The following METTL24 variants were observed in gnomAD, a reference collection of about 807,000 sequenced individuals.
METTL24 encodes methyltransferase like 24.
Under a neutral mutation model 32.7 loss-of-function variants are expected in METTL24, and 29 were observed. The observed-to-expected ratio is 0.89, with a 90% CI of 0.66 to 1.21. The LOEUF (loss-of-function observed/expected upper bound fraction) is 1.21. METTL24 is among the 50% of genes most tolerant of loss of function. The pLI, the probability that METTL24 is intolerant of heterozygous loss-of-function variation, is 0.00. For synonymous variants in METTL24, 163 were observed against 179.5 expected (o/e 0.91, Z 0.73); for missense variants, 439 against 468.1 (o/e 0.94, Z 0.57).
chr6:110,250,672 T>TA (rs1156856242), intron 4 of METTL24, among the ~76,000 whole-genome samples: 5 of 148,920 alleles, frequency 3.4e-5, no homozygotes, highest in African/African-American at 4.9e-5. Flanking sequence ...GCAACCATCT[T>TA]AGACAATTAC....
chr6:110,302,683 GTA>G (rs141680624), intron 3 of METTL24, among the ~76,000 whole-genome samples: 3 of 123,932 alleles, frequency 2.4e-5, no homozygotes, highest in Non-Finnish European at 4.9e-5. Flanking sequence ...ATACACGTGT[GTA>G]TATATATACA....
Position 110,322,845 on chromosome 6 carries a change from G to A in METTL24, c.346C>T (p.Pro116Ser). ...KGPRWHIDLQ[P>S]WAGSAQSLDE... ...AGGGACTGAGCAGAGCCTGCCCAAG[G>A]CTGGAGATCTATATGCCACCGGGGA... is the stretch of plus-strand genomic sequence containing the variant. Residue 116 changes from proline (P) to serine (S), a missense_variant, in exon 2 of 5, where the codon CCT (proline) becomes TCT (serine). By Grantham distance (74) the Pro-to-Ser change is moderately conservative. Transcript: ENST00000338882. The A allele has an allele frequency of 1.2e-6, 2 of 1,613,868 alleles. No individual in the cohort carries two copies. Among genetic ancestry groups the A allele is most frequent in the Non-Finnish European group, 1.7e-6 (2 of 1,179,866 alleles).
chr6:110,327,597 A>T (rs768479674), intron 1 of METTL24, among the ~76,000 whole-genome samples: 2 of 152,218 alleles, frequency 1.3e-5, no homozygotes, highest in African/African-American at 4.8e-5. Flanking sequence ...CAATGTTCTT[A>T]TTGGAATCAG....
chr6:110,348,303 AACTGCTGACT>A (rs1772521175), intron 1 of METTL24, among the ~76,000 whole-genome samples: 1 of 152,248 alleles, frequency 6.6e-6, no homozygotes, highest in Admixed American at 6.5e-5. Context: ...GCAGAATTTA[AACTGCTGACT>A]GCAAGTATGA....
intron 4 of METTL24, among the ~76,000 whole-genome samples, chr6:110,266,397 CTG>C (rs144677769): frequency 0.028 from 4,221 of 152,230 alleles, 221 homozygotes; most frequent in African/African-American, 0.095. Context: ...GACCAATAAT[CTG>C]TGTCTTTTGA....
rs866031059 is a variant in METTL24, at chr6:110,259,687, C to G, written c.787-13427G>C. On this transcript the variant is annotated intron_variant, in intron 4 of 4. Transcript: ENST00000338882. ...TGCCTCCTCAAGTGGGTCCCTGAAC[C>G]CCAAGTAGCCTAACTGGGAGGCATC... 2.0e-5 allele frequency among the ~76,000 whole-genome samples: 3 copies of G among 152,312 alleles called. 1 individual carries two copies. Among genetic ancestry groups the G allele is most frequent in the Middle Eastern group, 6.8e-3 (2 of 294 alleles).
At chr6:110,276,154 T>C (rs988259197) in intron 4 of METTL24, among the ~76,000 whole-genome samples, 1 of 152,146 alleles carries the variant, frequency 6.6e-6, no homozygotes, top group African/African-American at 2.4e-5. Flanking sequence ...CATGATTTCC[T>C]AGGTGTGGTG....
At chr6:110,267,928 T>C (rs2114706291) in intron 4 of METTL24, among the ~76,000 whole-genome samples, 1 of 152,170 alleles carries the variant, frequency 6.6e-6, no homozygotes, top group Non-Finnish European at 1.5e-5. Context: ...GTGAACTCAG[T>C]AAGAACTCAC....
Position 110,245,938 on chromosome 6 carries a change from C to T in METTL24, c.*8G>A, listed in dbSNP as rs772052643. On this transcript the variant is annotated 3_prime_UTR_variant, in exon 5 of 5. Coordinates refer to ENST00000338882, the MANE Select transcript of METTL24 (RefSeq NM_001123364.3). ...TATTTTCTTGTGCTCTTGATGACAT[C>T]CTGCATCCTATTTCCATCTTGTATT... 3.7e-6 allele frequency: 6 copies of T among 1,600,296 alleles called. No individual in the cohort carries two copies. The African/African-American group carries it at 8.0e-5, about 21-fold the overall frequency.
intron 1 of METTL24, among the ~76,000 whole-genome samples, chr6:110,352,518 A>G (rs1772625511): frequency 6.6e-6 from 1 of 152,210 alleles, no homozygotes; most frequent in Non-Finnish European, 1.5e-5. Context: ...CTAGATTATA[A>G]GGCTCTTAAA....
chr6:110,326,260 T>G (rs896068945), intron 1 of METTL24, among the ~76,000 whole-genome samples: 3 of 152,136 alleles, frequency 2.0e-5, no homozygotes, highest in Non-Finnish European at 2.9e-5. Flanking sequence ...CTTGCTGGGG[T>G]TCCCCGCTCA....
At chr6:110,251,617 A>G (rs1316535008) in intron 4 of METTL24, among the ~76,000 whole-genome samples, 1 of 152,242 alleles carries the variant, frequency 6.6e-6, no homozygotes, top group Non-Finnish European at 1.5e-5. Flanking sequence ...AATGTATATC[A>G]TACAGTTCTG....
At chr6:110,276,306 C>G (rs1287770453) in intron 4 of METTL24, among the ~76,000 whole-genome samples, 1 of 152,042 alleles carries the variant, frequency 6.6e-6, no homozygotes, top group Admixed American at 6.6e-5. Flanking sequence ...CAAAAATTAG[C>G]CAGGTGTGAT....
At chr6:110,297,990 AAGG>A (rs1309196955) in intron 4 of METTL24, among the ~76,000 whole-genome samples, 2 of 152,078 alleles carry the variant, frequency 1.3e-5, no homozygotes, top group Admixed American at 6.6e-5. Context: ...AAGATGAAGA[AAGG>A]AGGCAGAGAA....
At chr6:110,264,860 A>G (rs1309655217) in intron 4 of METTL24, among the ~76,000 whole-genome samples, 1 of 152,096 alleles carries the variant, frequency 6.6e-6, no homozygotes, top group Non-Finnish European at 1.5e-5. Context: ...TTCTCAGCAA[A>G]CTATTGCAAG....
intron 1 of METTL24, chr6:110,357,523 C>CA (rs930803134): frequency 1.3e-5 from 2 of 152,402 alleles, no homozygotes; most frequent in Non-Finnish European, 2.9e-5. Flanking sequence ...GATACCCACC[C>CA]AACTCTGTCC....
intron 4 of METTL24, among the ~76,000 whole-genome samples, chr6:110,286,872 T>C (rs1335574742): frequency 6.6e-6 from 1 of 152,208 alleles, no homozygotes; most frequent in African/African-American, 2.4e-5. Context: ...AGCCGGATGC[T>C]TCATGCGCTT....
intron 4 of METTL24, among the ~76,000 whole-genome samples, chr6:110,289,015 G>A (rs1412663680): frequency 6.6e-6 from 1 of 152,180 alleles, no homozygotes; most frequent in Non-Finnish European, 1.5e-5. Context: ...TAGCAAATGA[G>A]CTGGACCTCT....
rs1473869291 is a variant in METTL24 at position 110,285,786 on chromosome 6, C to T, written c.786+13136G>A. Among the ~76,000 whole-genome samples the T allele has an allele frequency of 2.0e-5, 3 of 152,198 alleles. No homozygotes were observed. The East Asian group carries it at 5.8e-4, about 29-fold the overall frequency. Reference sequence around the variant, plus strand: ...CGCAGGTAACTACATGGGCTTACAGCCCTCTGCTCCCTCAAGAGGCACTTG... The same window carrying T: ...CGCAGGTAACTACATGGGCTTACAGTCCTCTGCTCCCTCAAGAGGCACTTG... On this transcript the variant is annotated intron_variant, in intron 4 of 4. Transcript: ENST00000338882.
Sources: gnomAD v4.1 joint callset for allele counts (sites outside exome capture counted in the v4.1 genomes callset) on GRCh38, gnomAD v4.1.1 for gene constraint, MANE v1.5 for transcripts, NCBI Gene and HGNC (gene_info 2026-07-23, HGNC 2026-07-21) for gene names.